The following DIP2C variants were observed in gnomAD, a reference collection of about 807,000 sequenced individuals.
DIP2C encodes DIP2 acetate--CoA ligase C (putative).
DIP2C carries 33 observed loss-of-function variants against 192.4 expected under a neutral mutation model. The observed-to-expected ratio is 0.17, with a 90% CI of 0.13 to 0.23. The LOEUF (loss-of-function observed/expected upper bound fraction) is 0.23, where lower values mean the gene tolerates loss of function less well. Ranked by LOEUF, DIP2C falls within the 10% of genes least tolerant of loss-of-function variation. DIP2C has a pLI of 1.00. For missense variants in DIP2C, 1,537 were observed against 2,110.1 expected (o/e 0.73, Z 5.32); for synonymous variants, 979 against 864.1 (o/e 1.13, Z -2.33).
chr10:591,499 A>AT (rs1417955691), intron 1 of DIP2C, among the ~76,000 whole-genome samples: 2 of 152,144 alleles, frequency 1.3e-5, no homozygotes, highest in African/African-American at 4.8e-5. Flanking sequence ...ATATGGCTAT[A>AT]TTTTTTCCAA....
At chr10:398,825 C>G (rs1964190090) in intron 10 of DIP2C, among the ~76,000 whole-genome samples, 1 of 152,138 alleles carries the variant, frequency 6.6e-6, no homozygotes, top group East Asian at 1.9e-4. Context: ...ATCATTTACC[C>G]CAATTCTAGT....
Position 390,073 on chromosome 10 carries a change from G to A in DIP2C, c.1515C>T (p.Gly505=), listed in dbSNP as rs369389939. 15 of 1,613,942 alleles carry A rather than the reference G, an allele frequency of 9.3e-6. No homozygotes were observed. The highest frequency in any genetic ancestry group is 3.3e-4 in the Middle Eastern group (2 of 6,084). The part of the protein sequence containing the change: ...AYIEYKTCKD[G]SVLGVTVTRT... Reference sequence around the variant, plus strand: ...TCGTCACCGTCACACCCAGCACACTGCCATCCTTACACGTCTTGTACTGAA... The same window carrying A: ...TCGTCACCGTCACACCCAGCACACTACCATCCTTACACGTCTTGTACTGAA... The change falls in exon 13 of 37, where the codon GGC becomes GGT. Residue 505 remains glycine, a synonymous_variant. Coordinates refer to ENST00000280886, the MANE Select transcript of DIP2C (RefSeq NM_014974.3).
intron 1 of DIP2C, among the ~76,000 whole-genome samples, chr10:620,744 G>C (rs1330662692): frequency 6.6e-6 from 1 of 152,132 alleles, no homozygotes; most frequent in African/African-American, 2.4e-5. Context: ...CATCTAAGCT[G>C]GATTTAGAAG....
At chr10:367,771 C>G (rs780890045) in intron 18 of DIP2C, among the ~76,000 whole-genome samples, 3 of 152,256 alleles carry the variant, frequency 2.0e-5, no homozygotes, top group Non-Finnish European at 2.9e-5. Flanking sequence ...GAGCTCGTTA[C>G]GCGCTGACAA....
intron 17 of DIP2C, among the ~76,000 whole-genome samples, chr10:371,561 G>T (rs569489800): frequency 5.9e-5 from 9 of 152,368 alleles, no homozygotes; most frequent in African/African-American, 2.2e-4. Flanking sequence ...GCAGAGACTG[G>T]AGTGACAGGT....
At chr10:513,689 C>A (rs1846173868) in intron 1 of DIP2C, among the ~76,000 whole-genome samples, 1 of 152,194 alleles carries the variant, frequency 6.6e-6, no homozygotes, top group South Asian at 2.1e-4. Context: ...ACCCCCACCC[C>A]ATGTCCAGCC....
intron 9 of DIP2C, among the ~76,000 whole-genome samples, chr10:400,444 C>T (rs1964326106): frequency 6.6e-6 from 1 of 152,262 alleles, no homozygotes. Flanking sequence ...CCTGTGAACT[C>T]TGCTTCTATT....
intron 31 of DIP2C, among the ~76,000 whole-genome samples, chr10:319,132 C>T (rs188951270): frequency 1.1e-4 from 17 of 152,210 alleles, no homozygotes; most frequent in East Asian, 9.7e-4. Flanking sequence ...AAGCTGGTCT[C>T]GAACCCCTGA....
intron 6 of DIP2C, among the ~76,000 whole-genome samples, chr10:417,808 GTTCCTGT>G (rs1965809750): frequency 1.2e-5 from 1 of 83,506 alleles, no homozygotes; most frequent in Non-Finnish European, 2.3e-5. Flanking sequence ...CTGTCCACCT[GTTCCTGT>G]CAGGGCGCGG....
chr10:571,472 C>G (rs540040849), intron 1 of DIP2C, among the ~76,000 whole-genome samples: 7 of 151,894 alleles, frequency 4.6e-5, no homozygotes, highest in Admixed American at 3.3e-4. Context: ...CTGCATCCCC[C>G]CTCCTTCACT....
rs1423236031 is a variant in DIP2C at position 651,271 on chromosome 10, CCCCCA to C, written c.85+38218_85+38222del. 1 of 713,602 alleles carries C rather than the reference CCCCCA, an allele frequency of 1.4e-6. No homozygotes were observed. The highest frequency in any genetic ancestry group is 2.7e-5 in the East Asian group (1 of 37,282). 44.2% of individuals were successfully genotyped at this position (713,602 alleles called of 1,614,324 possible). On this transcript the variant is annotated intron_variant, in intron 1 of 36. Transcript: ENST00000280886. The surrounding 1 kb of genome is among the most constrained non-coding windows in gnomAD (Gnocchi z 4.1). ...GTGGGTTCCGGTCACCAGTCGGCCT[CCCCCA>C]CCAACGTGGACTCCTTACAAGCAGA... is the stretch of plus-strand genomic sequence containing the variant.
At chr10:504,957 C>T (rs1024243110) in intron 1 of DIP2C, among the ~76,000 whole-genome samples, 3 of 152,158 alleles carry the variant, frequency 2.0e-5, no homozygotes, top group Non-Finnish European at 4.4e-5. Flanking sequence ...GCTCATGTGA[C>T]TCTCAGTGCT....
chr10:510,752 C>T (rs1341113626), intron 1 of DIP2C, among the ~76,000 whole-genome samples: 2 of 152,240 alleles, frequency 1.3e-5, no homozygotes, highest in Non-Finnish European at 1.5e-5. Context: ...CTGTTTCCAG[C>T]GCCTCCGTGT....
At chr10:507,465 A>C (rs796845481) in intron 1 of DIP2C, among the ~76,000 whole-genome samples, 15 of 150,970 alleles carry the variant, frequency 9.9e-5, no homozygotes, top group African/African-American at 3.7e-4. Flanking sequence ...GCGTGAGGTT[A>C]CGGACTTGGT....
intron 18 of DIP2C, 80 bp from the exon 19 acceptor site, chr10:366,491 T>C (rs1960228953): frequency 6.3e-6 from 10 of 1,590,718 alleles, no homozygotes; most frequent in East Asian, 4.5e-5. Context: ...GACGCGAATA[T>C]GAACGACACC....
At chr10:583,391 C>T (rs778785303) in intron 1 of DIP2C, among the ~76,000 whole-genome samples, 2 of 152,218 alleles carry the variant, frequency 1.3e-5, no homozygotes, top group African/African-American at 2.4e-5. Flanking sequence ...TTGGTACCTG[C>T]ATTAAAAGGC....
intron 1 of DIP2C, among the ~76,000 whole-genome samples, chr10:512,395 CTAAAAATAAAAAATAAAAA>C (rs1218716621): frequency 6.6e-6 from 1 of 151,412 alleles, no homozygotes; most frequent in Non-Finnish European, 1.5e-5. Flanking sequence ...CCTGTCTCTA[CTAAAAATAAAAAATAAAAA>C]TAAAAATAAA....
chr10:555,979 C>G (rs186897392), intron 1 of DIP2C, among the ~76,000 whole-genome samples: 7 of 152,090 alleles, frequency 4.6e-5, no homozygotes, highest in African/African-American at 1.7e-4. Flanking sequence ...GACCCTGCCC[C>G]CAACACACCT....
At chr10:500,136 T>TAC (rs769452129) in intron 1 of DIP2C, among the ~76,000 whole-genome samples, 1 of 152,224 alleles carries the variant, frequency 6.6e-6, no homozygotes, top group South Asian at 2.1e-4. Context: ...GGCCCTCCCC[T>TAC]ACATCTGTAC....
Sources: gnomAD v4.1 joint callset for allele counts (sites outside exome capture counted in the v4.1 genomes callset) on GRCh38, gnomAD v4.1.1 for gene constraint, Gnocchi (gnomAD v3.1) non-coding constraint, MANE v1.5 for transcripts, NCBI Gene and HGNC (gene_info 2026-07-23, HGNC 2026-07-21) for gene names.